SLC6A2: variants seen among roughly 807,000 people sequenced by gnomAD.
SLC6A2 encodes the protein sodium-dependent noradrenaline transporter.
SLC6A2 carries 26 observed loss-of-function variants against 71.7 expected under a neutral mutation model. That is an observed-to-expected ratio of 0.36 (90% CI 0.27 to 0.50). The LOEUF is 0.50. SLC6A2 is among the 20% of genes least tolerant of loss of function. SLC6A2 has a pLI of 0.96. For synonymous variants in SLC6A2, 363 were observed against 337.9 expected, an observed-to-expected ratio of 1.07 and a Z score of -0.82; for missense variants, 581 against 803.9, an observed-to-expected ratio of 0.72 and a Z score of 3.35.
chr16:55,673,985 G>A (rs532823818), intron 4 of SLC6A2, among the ~76,000 whole-genome samples: 112 of 151,990 alleles, frequency 7.4e-4, no homozygotes, highest in Non-Finnish European at 1.4e-3. Context: ...ATTTTATTCC[G>A]TAGTCTTAAT....
chr16:55,705,153 C>A lies in SLC6A2; in HGVS notation c.*2807C>A. On this transcript the variant is annotated 3_prime_UTR_variant, in exon 15 of 15. Transcript: ENST00000568943. ...GAAATGTAAAATATCAGTTTGAGAA[C>A]ATCACATTTACGTCTACTCAATGTC... 1.8e-6 allele frequency: 2 copies of A among 1,128,532 alleles called. No individual in the cohort carries two copies. Among genetic ancestry groups the A allele is most frequent in the South Asian group, 1.4e-5 (1 of 72,882 alleles). The allele number at this position is 1,128,532 out of a possible 1,614,324, so 69.9% of individuals were successfully genotyped here. A position where few individuals can be genotyped will look rare whatever the true frequency, so the allele number is the denominator to read the frequency against.
chr16:55,698,324 A>G, intron 10 of SLC6A2, 145 bp from the exon 11 acceptor site: 1 of 735,618 alleles, frequency 1.4e-6, no homozygotes. Flanking sequence ...ACGTCAATAC[A>G]ACAGCACCAC....
Position 55,669,584 on chromosome 16 carries a change from C to T in SLC6A2, c.294C>T (p.Tyr98=), listed in dbSNP as rs768526935. ...CTCCAGGTGCCTTCTTGATCCCGTACACACTGTTCCTTATCATCGCGGGGA... is the reference window on the plus strand; with the variant it reads ...CTCCAGGTGCCTTCTTGATCCCGTATACACTGTTCCTTATCATCGCGGGGA... ...KNGGGAFLIP[Y]TLFLIIAGMP... The change falls in exon 3 of 15, where the codon TAC becomes TAT. Residue 98 remains tyrosine, a synonymous_variant. Coordinates refer to ENST00000568943, the MANE Select transcript of SLC6A2 (RefSeq NM_001172501.3). 6.2e-6 allele frequency: 10 copies of T among 1,614,062 alleles called. No homozygotes were observed. The highest frequency in any genetic ancestry group is 2.2e-5 in the South Asian group (2 of 91,076).
rs554282014 is a variant in SLC6A2 at position 55,682,127 on chromosome 16, G to A, written c.645-3016G>A. ...TCGCCATGTTGACCAGGCCGGTCTC[G>A]AACTCCTGACCTCAGGTGATCCGCC... On this transcript the variant is annotated intron_variant, in intron 4 of 14. Coordinates refer to ENST00000568943, the MANE Select transcript of SLC6A2 (RefSeq NM_001172501.3). Among the ~76,000 whole-genome samples the A allele has an allele frequency of 1.6e-4, 25 of 152,256 alleles. 1 individual carries two copies. The highest frequency in any genetic ancestry group is 1.6e-3 in the Admixed American group (24 of 15,296).
intron 4 of SLC6A2, among the ~76,000 whole-genome samples, chr16:55,679,955 A>C (rs1055557304): frequency 6.6e-6 from 1 of 152,142 alleles, no homozygotes; most frequent in Non-Finnish European, 1.5e-5. Flanking sequence ...TGTATCTGTG[A>C]TGTTTAGCAG....
intron 4 of SLC6A2, among the ~76,000 whole-genome samples, chr16:55,684,483 A>T (rs1193219611): frequency 6.6e-6 from 1 of 152,212 alleles, no homozygotes; most frequent in Admixed American, 6.5e-5. Flanking sequence ...TATTGAGTCA[A>T]TACCTAGGGC....
chr16:55,700,151 G>A lies in SLC6A2; in HGVS notation c.1603G>A (p.Val535Ile). 1 of 1,613,840 alleles carries A rather than the reference G, an allele frequency of 6.2e-7. No individual in the cohort carries two copies. The highest frequency in any genetic ancestry group is 8.5e-7 in the Non-Finnish European group (1 of 1,179,956). Reference protein sequence around the residue: ...SPAFLLFVVVVSIINFKPLTY... With the variant: ...SPAFLLFVVVISIINFKPLTY... ...TGCCCATCTCTAGTTCGTGGTTGTG[G>A]TCAGCATCATCAACTTCAAGCCACT... Residue 535 changes from valine to isoleucine, a missense_variant, in exon 13 of 15, where the codon GTC (valine) becomes ATC (isoleucine). Transcript: ENST00000568943.
intron 4 of SLC6A2, among the ~76,000 whole-genome samples, chr16:55,676,428 A>G (rs1388732064): frequency 6.6e-6 from 1 of 152,222 alleles, no homozygotes; most frequent in Non-Finnish European, 1.5e-5. Flanking sequence ...CAGTTGAGAC[A>G]ATACAGTCCA....
intron 10 of SLC6A2, 110 bp from the exon 11 acceptor site, chr16:55,698,359 T>C (rs1387191179): frequency 1.2e-6 from 1 of 818,834 alleles, no homozygotes; most frequent in Non-Finnish European, 2.1e-6. Context: ...GGTTTTCAAA[T>C]AGAGCTCCGA....
intron 4 of SLC6A2, among the ~76,000 whole-genome samples, chr16:55,678,846 C>T (rs1965178322): frequency 6.6e-6 from 1 of 152,200 alleles, no homozygotes; most frequent in African/African-American, 2.4e-5. Flanking sequence ...GTTTCTTGTA[C>T]TAAACCCCAA....
intron 6 of SLC6A2, among the ~76,000 whole-genome samples, 163 bp from the exon 7 acceptor site, chr16:55,693,847 A>T (rs1471677868): frequency 2.0e-5 from 3 of 152,200 alleles, no homozygotes; most frequent in Non-Finnish European, 4.4e-5. Context: ...GTTGTTTTGT[A>T]CAGGATGCAG....
At position 55,691,942 on chromosome 16, in the gene SLC6A2, C is replaced by G; in HGVS notation, c.808C>G (p.Pro270Ala). ...GGTGGTGTGGATCACAGCCACGCTG[C>G]CTTACTTCGTGCTGTTCGTGCTCCT... Reference protein sequence around the residue: ...GKVVWITATLPYFVLFVLLVH... With the variant: ...GKVVWITATLAYFVLFVLLVH... The change falls in exon 6 of 15, where the codon CCT (proline) becomes GCT (alanine). Residue 270 changes from proline (P) to alanine (A), a missense_variant. Coordinates refer to ENST00000568943, the MANE Select transcript of SLC6A2 (RefSeq NM_001172501.3). 1 of 1,614,128 alleles carries G rather than the reference C, an allele frequency of 6.2e-7. No homozygotes were observed. Among genetic ancestry groups the G allele is most frequent in the Non-Finnish European group, 8.5e-7 (1 of 1,180,018 alleles).
chr16:55,670,764 T>C (rs1964884162), intron 3 of SLC6A2, among the ~76,000 whole-genome samples: 2 of 152,320 alleles, frequency 1.3e-5, no homozygotes, highest in South Asian at 4.1e-4. Flanking sequence ...CTCATTGGTT[T>C]AACTTGAGTC....
intron 5 of SLC6A2, among the ~76,000 whole-genome samples, chr16:55,688,190 A>T (rs907545932): frequency 3.3e-5 from 5 of 152,180 alleles, no homozygotes; most frequent in African/African-American, 1.2e-4. Flanking sequence ...TTCTTTCTAG[A>T]CTGAACCTGG....
At chr16:55,671,409 G>A (rs1438598115) in intron 3 of SLC6A2, among the ~76,000 whole-genome samples, 1 of 152,172 alleles carries the variant, frequency 6.6e-6, no homozygotes, top group Non-Finnish European at 1.5e-5. Flanking sequence ...CTCGGGCAAA[G>A]AGATGGCAGG....
In SLC6A2 at chr16:55,703,937, C is replaced by G. The variant is rs2142649217; in HGVS notation, c.*1591C>G. On this transcript the variant is annotated 3_prime_UTR_variant, in exon 15 of 15. Coordinates refer to ENST00000568943, the MANE Select transcript of SLC6A2 (RefSeq NM_001172501.3). ...GCTGGGTCGGGGTCCTCAGGTCATT[C>G]TATAGATAAAAGAGGGAAAATCAGG... is the stretch of plus-strand genomic sequence containing the variant. 2.9e-6 allele frequency: 1 copy of G among 339,088 alleles called. No individual in the cohort carries two copies. The highest frequency in any genetic ancestry group is 1.2e-4 in the South Asian group (1 of 8,408). 21.0% of individuals were successfully genotyped at this position (339,088 alleles called of 1,614,324 possible).
At chr16:55,667,875 C>A (rs1964797243) in intron 2 of SLC6A2, among the ~76,000 whole-genome samples, 1 of 152,206 alleles carries the variant, frequency 6.6e-6, no homozygotes, top group South Asian at 2.1e-4. Flanking sequence ...GCCAGGCAGA[C>A]CTGGACCCAA....
chr16:55,659,827 A>G (rs1488127106), intron 2 of SLC6A2, among the ~76,000 whole-genome samples: 1 of 152,154 alleles, frequency 6.6e-6, no homozygotes, highest in African/African-American at 2.4e-5. Flanking sequence ...CCTGGGTTCC[A>G]GTTTCTAGCT....
chr16:55,699,630 G>T lies in SLC6A2; in HGVS notation c.1566G>T (p.Lys522Asn). The change falls in exon 12 of 15, where the codon AAG (lysine) becomes AAT (asparagine). Residue 522 changes from lysine to asparagine, a missense_variant. Around this residue, in one of 5 missense-constraint regions of SLC6A2, gnomAD observed 334 missense variants for 449.0 expected, o/e 0.74. Coordinates refer to ENST00000568943, the MANE Select transcript of SLC6A2 (RefSeq NM_001172501.3). ...GTCTATACTGGAGACTGTGCTGGAA[G>T]TTCGTCAGTCCTGCCTTCCTCCTGG... is the stretch of plus-strand genomic sequence containing the variant. ...RPGLYWRLCW[K>N]FVSPAFLLFV... 6.2e-7 allele frequency: 1 copy of T among 1,613,864 alleles called. No homozygotes were observed. The highest frequency in any genetic ancestry group is 8.5e-7 in the Non-Finnish European group (1 of 1,179,718).
Sources: gnomAD v4.1 joint callset for allele counts (sites outside exome capture counted in the v4.1 genomes callset) on GRCh38, gnomAD v4.1.1 for gene constraint, gnomAD v4.1.1 regional missense constraint, MANE v1.5 for transcripts, NCBI Gene and HGNC (gene_info 2026-07-23, HGNC 2026-07-21) for gene names.